ADGRG7: variants seen among roughly 807,000 people sequenced by gnomAD.
ADGRG7 encodes G-protein coupled receptor 128.
Under a neutral mutation model 88.6 loss-of-function variants are expected in ADGRG7, and 82 were observed. The ratio of observed to expected loss-of-function variants is 0.93; its 90% CI spans 0.77 to 1.11. The LOEUF is 1.11. Ranked by LOEUF, ADGRG7 falls within the 50% of genes most tolerant of loss-of-function variation. The pLI is 0.00. For synonymous variants in ADGRG7, 381 were observed against 345.2 expected, an observed-to-expected ratio of 1.10 and a Z score of -1.15; for missense variants, 945 against 953.4, an observed-to-expected ratio of 0.99 and a Z score of 0.12.
At chr3:100,645,442 T>G (rs1196093453) in intron 8 of ADGRG7, among the ~76,000 whole-genome samples, 1 of 152,142 alleles carries the variant, frequency 6.6e-6, no homozygotes, top group Non-Finnish European at 1.5e-5. Context: ...AGAAGTGACT[T>G]GAGCTCCTTG....
At chr3:100,636,619 C>T (rs1707546523) in intron 5 of ADGRG7, among the ~76,000 whole-genome samples, 1 of 149,814 alleles carries the variant, frequency 6.7e-6, no homozygotes, top group South Asian at 2.2e-4. Flanking sequence ...CTCCTTTCTT[C>T]CATTCCCTTT....
At chr3:100,644,714 A>G (rs1467777282) in intron 8 of ADGRG7, among the ~76,000 whole-genome samples, 1 of 151,894 alleles carries the variant, frequency 6.6e-6, no homozygotes, top group Non-Finnish European at 1.5e-5. Context: ...TTTTTTTTGT[A>G]GAGACAGAAT....
chr3:100,630,079 T>G (rs1707439162), intron 2 of ADGRG7, among the ~76,000 whole-genome samples: 1 of 152,190 alleles, frequency 6.6e-6, no homozygotes, highest in East Asian at 1.9e-4. Context: ...ATATTTAACT[T>G]TTCTGAAATC....
chr3:100,688,760 G>C (rs1203830107), intron 15 of ADGRG7, among the ~76,000 whole-genome samples: 1 of 152,132 alleles, frequency 6.6e-6, no homozygotes, highest in Non-Finnish European at 1.5e-5. Flanking sequence ...TATAATTTCT[G>C]TTCTTTTACA....
At chr3:100,648,660 A>G (rs1707798608) in intron 10 of ADGRG7, among the ~76,000 whole-genome samples, 1 of 152,202 alleles carries the variant, frequency 6.6e-6, no homozygotes, top group African/African-American at 2.4e-5. Context: ...GTAAGAAAAA[A>G]AGACAGGCTC....
chr3:100,618,521 G>A (rs1276384983), intron 1 of ADGRG7, among the ~76,000 whole-genome samples: 3 of 152,118 alleles, frequency 2.0e-5, no homozygotes, highest in East Asian at 3.8e-4. Context: ...AAGATCAGAT[G>A]GTTGTAGATA....
chr3:100,655,261 T>C lies in ADGRG7; in HGVS notation c.1726+80T>C, dbSNP rs2094936096. On this transcript the variant is annotated intron_variant, in intron 12 of 15. Transcript: ENST00000273352. ...ATTTAAACACTTATTGAAGGCCTAA[T>C]AGTCCAAGGCCTTGACGTAATTAAG... The C allele has an allele frequency of 6.1e-6, 6 of 979,492 alleles. No individual in the cohort carries two copies. The South Asian group carries it at 9.5e-5, about 15-fold the overall frequency. The allele number at this position is 979,492 out of a possible 1,614,324, so 60.7% of individuals were successfully genotyped here.
intron 1 of ADGRG7, among the ~76,000 whole-genome samples, chr3:100,615,790 T>C (rs1164993807): frequency 1.3e-5 from 2 of 152,040 alleles, no homozygotes; most frequent in Non-Finnish European, 2.9e-5. Context: ...AAGTCAACCA[T>C]ATGAGGGGCA....
chr3:100,648,343 A>G lies in ADGRG7; in HGVS notation c.1267-1352A>G, dbSNP rs536302341. Among the ~76,000 whole-genome samples the G allele has an allele frequency of 1.5e-3, 226 of 152,194 alleles. 1 individual carries two copies. Among genetic ancestry groups the G allele is most frequent in the African/African-American group, 5.3e-3 (219 of 41,552 alleles). Reference sequence around the variant, plus strand: ...TAAGAGCAAATCGGCTCTGAGTGAAAAATATTATTTTTAAAATCTGAAGAC... The same window carrying G: ...TAAGAGCAAATCGGCTCTGAGTGAAGAATATTATTTTTAAAATCTGAAGAC... On this transcript the variant is annotated intron_variant, in intron 10 of 15. Coordinates refer to ENST00000273352, the MANE Select transcript of ADGRG7 (RefSeq NM_032787.3).
At chr3:100,635,090 T>C (rs377541760) in intron 4 of ADGRG7, among the ~76,000 whole-genome samples, 29 of 151,930 alleles carry the variant, frequency 1.9e-4, no homozygotes, top group African/African-American at 7.0e-4. Flanking sequence ...TGGATTGGCA[T>C]GTTTTAGCCT....
chr3:100,675,538 C>G (rs1273624700), intron 15 of ADGRG7, among the ~76,000 whole-genome samples: 1 of 152,020 alleles, frequency 6.6e-6, no homozygotes, highest in Non-Finnish European at 1.5e-5. Flanking sequence ...TCATCAGATG[C>G]ATTGGCCTGT....
At chr3:100,675,350 A>G (rs755102931) in intron 15 of ADGRG7, among the ~76,000 whole-genome samples, 19 of 152,340 alleles carry the variant, frequency 1.2e-4, no homozygotes, top group Admixed American at 2.6e-4. Flanking sequence ...AATTGAAACA[A>G]TCATGTGGGT....
intron 1 of ADGRG7, among the ~76,000 whole-genome samples, chr3:100,617,010 G>C (rs1308520006): frequency 1.3e-5 from 2 of 152,076 alleles, no homozygotes; most frequent in African/African-American, 2.4e-5. Context: ...TTTCAGAAGA[G>C]AATAGAAAAT....
At position 100,643,628 on chromosome 3, in the gene ADGRG7, C is replaced by T. The variant is rs116356748; in HGVS notation, c.941C>T (p.Thr314Met). ...QTELQVLLNM[T>M]KNYTKTCGFV... ...GAGCTTCAGGTCTTGCTTAATATGA[C>T]GAAAAGTAAGTCTCAAACTTTGTGA... The change falls in exon 8 of 16, where the codon ACG (threonine) becomes ATG (methionine). Residue 314 changes from threonine (T) to methionine (M), a missense_variant. Transcript: ENST00000273352. The T allele has an allele frequency of 4.3e-4, 690 of 1,607,400 alleles. 5 individuals are homozygous for T. The East Asian group carries it at 0.012, about 28-fold the overall frequency.
chr3:100,637,486 A>G, intron 6 of ADGRG7, 84 bp downstream of exon 6: 1 of 890,578 alleles, frequency 1.1e-6, no homozygotes, highest in Non-Finnish European at 1.8e-6. Flanking sequence ...AGATATCTTT[A>G]TTTCTCTCAT....
intron 1 of ADGRG7, among the ~76,000 whole-genome samples, chr3:100,621,694 G>A (rs1421631091): frequency 6.6e-6 from 1 of 152,224 alleles, no homozygotes; most frequent in Non-Finnish European, 1.5e-5. Flanking sequence ...TGTAGAAGCT[G>A]CCGCAAGTTT....
At chr3:100,692,064 G>T (rs893681535) in intron 15 of ADGRG7, among the ~76,000 whole-genome samples, 1 of 152,160 alleles carries the variant, frequency 6.6e-6, no homozygotes, top group African/African-American at 2.4e-5. Context: ...GCTGTTTCTG[G>T]CTATGGTAAA....
Position 100,646,493 on chromosome 3 carries a change from T to A in ADGRG7, c.1111-76T>A, listed in dbSNP as rs113039171. ...ATTTAATTCATTTCTCAGATGACTG[T>A]CTTATACTACTTGATTTTTTTTAAC... On this transcript the variant is annotated intron_variant, in intron 9 of 15. Transcript: ENST00000273352. 3.5e-5 allele frequency: 41 copies of A among 1,171,742 alleles called. 1 individual carries two copies. In the African/African-American group the frequency reaches 5.2e-4, roughly 15 times the overall value. 72.6% of individuals were successfully genotyped at this position (1,171,742 alleles called of 1,614,324 possible).
rs753641282 is a variant in ADGRG7 at position 100,633,264 on chromosome 3, G to T, written c.335-1G>T. On this transcript the variant is annotated splice_acceptor_variant, in intron 3 of 15. Transcript: ENST00000273352. LOFTEE classifies it high-confidence loss of function. ...TAATAAAAAATTTCTTTGTATTAAA[G>T]CGGGCAATCCAATGGCAGTCCGGTT... The T allele has an allele frequency of 2.1e-6, 3 of 1,419,546 alleles. No individual in the cohort carries two copies. The highest frequency in any genetic ancestry group is 2.8e-6 in the Non-Finnish European group (3 of 1,079,812). The allele number at this position is 1,419,546 out of a possible 1,614,324, so 87.9% of individuals were successfully genotyped here. A position where few individuals can be genotyped will look rare whatever the true frequency, so the allele number is the denominator to read the frequency against.
Sources: allele counts gnomAD v4.1 joint callset (sites outside exome capture counted in the v4.1 genomes callset), GRCh38; gene constraint gnomAD v4.1.1; transcripts MANE v1.5; gene names NCBI Gene and HGNC (gene_info 2026-07-23, HGNC 2026-07-21).